The following WNT7B variants were observed in gnomAD, a reference collection of about 807,000 sequenced individuals.
WNT7B encodes the protein Wnt family member 7B, also known as protein Wnt-7b.
In WNT7B, 19 loss-of-function variants were observed where a neutral mutation model predicts 38.2. That is an observed-to-expected ratio of 0.50 (90% CI 0.35 to 0.73). The LOEUF is 0.73. Among genes scored for constraint, WNT7B ranks in the 30% least tolerant of loss-of-function variants. The probability of loss-of-function intolerance (pLI) is 0.01; values close to 1 mark genes in which losing one functional copy is unlikely to be tolerated. For missense variants in WNT7B, 423 were observed against 507.9 expected (o/e 0.83, Z 1.61); for synonymous variants, 243 against 209.3 (o/e 1.16, Z -1.39).
At position 45,957,391 on chromosome 22, in the gene WNT7B, T is replaced by G. The variant is rs1276884981; in HGVS notation, c.72-7245A>C. Among the ~76,000 whole-genome samples, 3 of 151,540 alleles carry G rather than the reference T, an allele frequency of 2.0e-5. 1 individual carries two copies. In the East Asian group the frequency reaches 5.8e-4, roughly 29 times the overall value. ...TCCAGGCTTCTTACAATAATTAAAA[T>G]ACAGAAAACAGGCCGGGCACGGTGG... On this transcript the variant is annotated intron_variant, in intron 1 of 3. Transcript: ENST00000339464.
chr22:45,937,214 G>A (rs191980779), intron 2 of WNT7B, among the ~76,000 whole-genome samples: 272 of 152,298 alleles, frequency 1.8e-3, no homozygotes, highest in Non-Finnish European at 3.0e-3. Flanking sequence ...CTCAGGAAAT[G>A]GGGGATCCAG....
chr22:45,942,405 G>A (rs1224224321), intron 2 of WNT7B, among the ~76,000 whole-genome samples: 1 of 152,232 alleles, frequency 6.6e-6, no homozygotes, highest in African/African-American at 2.4e-5. Context: ...GAGCTAGTCT[G>A]GGATCTGCAT....
At chr22:45,949,877 T>C (rs768214752) in intron 2 of WNT7B, 43 bp downstream of exon 2, 1 of 1,573,824 alleles carries the variant, frequency 6.4e-7, no homozygotes. Flanking sequence ...CTACTGCCCC[T>C]GGCCACAATG....
At chr22:45,923,391 G>T in intron 3 of WNT7B, 56 bp from the exon 4 acceptor site, 1 of 1,543,940 alleles carries the variant, frequency 6.5e-7, no homozygotes, top group Admixed American at 1.8e-5. Flanking sequence ...GGCCCCTCTA[G>T]GTTCCCCTAC....
chr22:45,964,111 G>A (rs916462760), intron 1 of WNT7B, among the ~76,000 whole-genome samples: 15 of 152,064 alleles, frequency 9.9e-5, no homozygotes, highest in Non-Finnish European at 1.9e-4. Flanking sequence ...CAGGGACTGT[G>A]TCCCACAGGT....
intron 2 of WNT7B, among the ~76,000 whole-genome samples, chr22:45,941,140 G>T (rs1291939191): frequency 6.6e-6 from 1 of 152,196 alleles, no homozygotes; most frequent in Non-Finnish European, 1.5e-5. Context: ...GAGGTGAAAA[G>T]CTGCCAGGTC....
rs1445002014 is a variant in WNT7B, at chr22:45,931,094, C to G, written c.570+4G>C. The G allele has an allele frequency of 6.4e-7, 1 of 1,570,572 alleles. No homozygotes were observed. Among genetic ancestry groups the G allele is most frequent in the South Asian group, 1.1e-5 (1 of 87,838 alleles). ...GGCCCCCACCAGCCGCACCCGCACCCTACCTTCCTGCCGGCCTCATTGTTA... is the reference window on the plus strand; with the variant it reads ...GGCCCCCACCAGCCGCACCCGCACCGTACCTTCCTGCCGGCCTCATTGTTA... On this transcript the variant is annotated splice_donor_region_variant and intron_variant, in intron 3 of 3. Transcript: ENST00000339464.
intron 3 of WNT7B, chr22:45,925,768 T>C: frequency 1.0e-6 from 1 of 985,288 alleles, no homozygotes; most frequent in Non-Finnish European, 1.2e-6. Flanking sequence ...TGGTGGCCCC[T>C]CTCGGAGTTC....
rs1457125435 is a variant in WNT7B, at chr22:45,931,104, G to A, written c.564C>T (p.Gly188=). The A allele has an allele frequency of 1.9e-6, 3 of 1,575,894 alleles. No individual in the cohort carries two copies. Among genetic ancestry groups the A allele is most frequent in the Non-Finnish European group, 2.6e-6 (3 of 1,161,292 alleles). ...AGCCGCACCCGCACCCTACCTTCCT[G>A]CCGGCCTCATTGTTATGCAGGTTCA... ...RLMNLHNNEA[G]RKVLEDRMQL... is the part of the protein sequence containing the mutation. Residue 188 remains glycine, a synonymous_variant, in exon 3 of 4, where the codon GGC becomes GGT. Transcript: ENST00000339464.
At chr22:45,949,564 G>A (rs953988998) in intron 2 of WNT7B, among the ~76,000 whole-genome samples, 2 of 152,182 alleles carry the variant, frequency 1.3e-5, no homozygotes, top group Non-Finnish European at 2.9e-5. Flanking sequence ...CCCTCTACAC[G>A]GCTGCTAGGC....
At chr22:45,957,392 A>G (rs959744690) in intron 1 of WNT7B, among the ~76,000 whole-genome samples, 27 of 151,684 alleles carry the variant, frequency 1.8e-4, no homozygotes, top group African/African-American at 5.8e-4. Flanking sequence ...TAATTAAAAT[A>G]CAGAAAACAG....
At chr22:45,957,682 C>CAAAAAAA (rs367797133) in intron 1 of WNT7B, among the ~76,000 whole-genome samples, 1,517 of 36,032 alleles carry the variant, frequency 0.042, 299 homozygotes, top group Non-Finnish European at 0.052. Flanking sequence ...GACTCCGTCT[C>CAAAAAAA]AAAAAAAAAA....
At chr22:45,925,528 G>A in intron 3 of WNT7B, 1 of 985,288 alleles carries the variant, frequency 1.0e-6, no homozygotes, top group Non-Finnish European at 1.2e-6. Flanking sequence ...TGGACTGCGT[G>A]TCTGGGCGAC....
At chr22:45,969,717 G>A (rs1199334333) in intron 1 of WNT7B, among the ~76,000 whole-genome samples, 1 of 152,264 alleles carries the variant, frequency 6.6e-6, no homozygotes, top group Admixed American at 6.5e-5. Context: ...CCAGGACAGG[G>A]AGCTAGAGGA....
chr22:45,930,779 C>T (rs988095363), intron 3 of WNT7B, among the ~76,000 whole-genome samples: 15 of 152,330 alleles, frequency 9.8e-5, no homozygotes, highest in Non-Finnish European at 1.9e-4. Context: ...GGGCTGTGGC[C>T]TGGGACCCTC....
At chr22:45,950,549 C>A (rs1198475213) in intron 1 of WNT7B, among the ~76,000 whole-genome samples, 1 of 152,364 alleles carries the variant, frequency 6.6e-6, no homozygotes, top group Admixed American at 6.5e-5. Flanking sequence ...GACCCCAACT[C>A]CCCGACCAAT....
intron 2 of WNT7B, among the ~76,000 whole-genome samples, chr22:45,944,499 C>A (rs919352174): frequency 2.6e-5 from 4 of 152,232 alleles, no homozygotes; most frequent in African/African-American, 9.6e-5. Flanking sequence ...CCCTGACCTT[C>A]AAGGCCCCAG....
intron 2 of WNT7B, among the ~76,000 whole-genome samples, chr22:45,932,503 C>T (rs970235050): frequency 6.6e-6 from 1 of 152,012 alleles, no homozygotes; most frequent in Non-Finnish European, 1.5e-5. Flanking sequence ...CTGGTGAGCC[C>T]TACCAGCGGG....
intron 1 of WNT7B, among the ~76,000 whole-genome samples, chr22:45,957,707 A>AAAAAAAC (rs1569122279): frequency 1.3e-5 from 2 of 151,052 alleles, no homozygotes; most frequent in African/African-American, 4.9e-5. Context: ...AAAAAAAAAA[A>AAAAAAAC]AAAAACAGAA....
Sources: gnomAD v4.1 joint callset for allele counts (sites outside exome capture counted in the v4.1 genomes callset) on GRCh38, gnomAD v4.1.1 for gene constraint, MANE v1.5 for transcripts, NCBI Gene and HGNC (gene_info 2026-07-23, HGNC 2026-07-21) for gene names.